Variants in SORCS1 observed in about 807,000 individuals in gnomAD.
The protein encoded by SORCS1 is VPS10 domain-containing receptor SorCS1.
In SORCS1, 60 loss-of-function variants were observed where a neutral mutation model predicts 146.1. That is an observed-to-expected ratio of 0.41 (90% CI 0.33 to 0.51). SORCS1 has a LOEUF of 0.51. Ranked by LOEUF, SORCS1 falls within the 20% of genes least tolerant of loss-of-function variation. The pLI is 0.21. For missense variants in SORCS1, 1,352 were observed against 1,487.6 expected, an observed-to-expected ratio of 0.91 and a Z score of 1.50; for synonymous variants, 637 against 584.0, an observed-to-expected ratio of 1.09 and a Z score of -1.31.
chr10:106,649,760 A>C (rs557817005), intron 18 of SORCS1, among the ~76,000 whole-genome samples: 1 of 152,090 alleles, frequency 6.6e-6, no homozygotes, highest in Non-Finnish European at 1.5e-5. Context: ...AGACCTTTTT[A>C]TCATTTTCCA....
intron 3 of SORCS1, among the ~76,000 whole-genome samples, chr10:106,819,791 T>C (rs1947923716): frequency 6.6e-6 from 1 of 152,300 alleles, no homozygotes; most frequent in South Asian, 2.1e-4. Context: ...TAAGGGTAAA[T>C]TGTACTCCCT....
intron 2 of SORCS1, among the ~76,000 whole-genome samples, chr10:106,858,639 T>C (rs904628644): frequency 2.0e-5 from 3 of 148,888 alleles, no homozygotes; most frequent in Non-Finnish European, 3.0e-5. Flanking sequence ...AAAGAAAAAT[T>C]TGGGTGCATT....
chr10:107,056,134 C>T (rs1461486048), intron 1 of SORCS1, among the ~76,000 whole-genome samples: 2 of 152,118 alleles, frequency 1.3e-5, no homozygotes, highest in African/African-American at 4.8e-5. Context: ...GGGGGGGCTT[C>T]AATCACAATA....
chr10:106,644,342 CTTCT>C (rs1184691041), intron 18 of SORCS1, among the ~76,000 whole-genome samples: 1 of 151,856 alleles, frequency 6.6e-6, no homozygotes, highest in African/African-American at 2.4e-5. Context: ...TAATTTTTCC[CTTCT>C]ATTACCATGA....
At chr10:106,947,946 T>C (rs1196330467) in intron 2 of SORCS1, among the ~76,000 whole-genome samples, 1 of 152,098 alleles carries the variant, frequency 6.6e-6, no homozygotes, top group Non-Finnish European at 1.5e-5. Context: ...TAGGAAGCAA[T>C]ACATAAGTTA....
At chr10:106,987,486 G>A (rs2139423316) in intron 1 of SORCS1, among the ~76,000 whole-genome samples, 1 of 152,284 alleles carries the variant, frequency 6.6e-6, no homozygotes, top group East Asian at 1.9e-4. Flanking sequence ...ACAATCTCTA[G>A]CTACTCTGGA....
intron 6 of SORCS1, among the ~76,000 whole-genome samples, chr10:106,718,533 G>A (rs1855546017): frequency 6.6e-6 from 1 of 151,978 alleles, no homozygotes; most frequent in South Asian, 2.1e-4. Flanking sequence ...CGCTGTTACA[G>A]CTCATAAAGG....
At chr10:106,671,999 G>A (rs1282593084) in intron 15 of SORCS1, among the ~76,000 whole-genome samples, 4 of 152,190 alleles carry the variant, frequency 2.6e-5, no homozygotes, top group Non-Finnish European at 5.9e-5. Context: ...TCTGAATAGG[G>A]TGGGTGTTTC....
intron 17 of SORCS1, among the ~76,000 whole-genome samples, chr10:106,666,157 A>C (rs1302997772): frequency 6.6e-6 from 1 of 152,192 alleles, no homozygotes; most frequent in Non-Finnish European, 1.5e-5. Context: ...TGTATTTTTA[A>C]ATGAGATTAA....
chr10:106,861,088 T>C (rs1340179275), intron 2 of SORCS1, among the ~76,000 whole-genome samples: 1 of 152,192 alleles, frequency 6.6e-6, no homozygotes, highest in African/African-American at 2.4e-5. Context: ...GCAGTGTTAT[T>C]GTCCCGACTT....
At chr10:107,166,687 G>T (rs1970060065), upstream of SORCS1, among the ~76,000 whole-genome samples, 2 of 152,290 alleles carry the variant, frequency 1.3e-5, no homozygotes, top group Admixed American at 6.5e-5. Flanking sequence ...AGCTTTGCAG[G>T]ATCATTTACT....
intron 2 of SORCS1, among the ~76,000 whole-genome samples, chr10:106,890,470 A>G (rs906804568): frequency 1.3e-5 from 2 of 152,220 alleles, no homozygotes; most frequent in Non-Finnish European, 1.5e-5. Flanking sequence ...AAGGAGAAAA[A>G]AAAACAAAGG....
rs117479866 is a variant in SORCS1 at position 107,111,495 on chromosome 10, A to G, written c.558+52474T>C. Among the ~76,000 whole-genome samples the G allele has an allele frequency of 5.3e-4, 80 of 152,320 alleles. No individual in the cohort carries two copies. In the East Asian group the frequency reaches 0.015, roughly 28 times the overall value. On this transcript the variant is annotated intron_variant, in intron 1 of 25. Transcript: ENST00000263054. ...AGAAATAATTAGTGAATTCAAAGAC[A>G]GGCCATTTGAAATTAGCCAAGTCCA...
chr10:107,056,948 C>G (rs763274822), intron 1 of SORCS1, among the ~76,000 whole-genome samples: 1 of 152,204 alleles, frequency 6.6e-6, no homozygotes, highest in Non-Finnish European at 1.5e-5. Context: ...CCCCTTTCAG[C>G]GTGCCCTGGA....
chr10:106,761,958 T>C (rs575276519), intron 4 of SORCS1, among the ~76,000 whole-genome samples: 1 of 152,358 alleles, frequency 6.6e-6, no homozygotes, highest in African/African-American at 2.4e-5. Flanking sequence ...CTGTTCTGCC[T>C]GGCGATAAAG....
rs575443335 is a variant in SORCS1 at position 106,738,824 on chromosome 10, T to A, written c.960-8710A>T. Among the ~76,000 whole-genome samples the A allele has an allele frequency of 4.6e-5, 7 of 152,182 alleles. No individual in the cohort carries two copies. In the South Asian group the frequency reaches 1.2e-3, roughly 27 times the overall value. ...CTGGGCAACAAAGCCAGACCCCATC[T>A]CTATTAAAAATTTTTAAAAAGGCCA... On this transcript the variant is annotated intron_variant, in intron 5 of 25. Transcript: ENST00000263054.
chr10:106,754,095 G>T (rs1858461823), intron 5 of SORCS1, among the ~76,000 whole-genome samples: 1 of 152,076 alleles, frequency 6.6e-6, no homozygotes, highest in Non-Finnish European at 1.5e-5. Context: ...GTCTCTCCTG[G>T]GGCATCATAT....
At chr10:106,792,770 G>A (rs1946377305) in intron 3 of SORCS1, among the ~76,000 whole-genome samples, 1 of 152,112 alleles carries the variant, frequency 6.6e-6, no homozygotes, top group Non-Finnish European at 1.5e-5. Context: ...ATTCATAAGT[G>A]ATACACTAAA....
intron 14 of SORCS1, 71 bp from the exon 15 acceptor site, chr10:106,673,056 T>C (rs554620186): frequency 1.0e-4 from 130 of 1,244,466 alleles, no homozygotes; most frequent in Non-Finnish European, 1.5e-4. Context: ...CAGAGAGCAT[T>C]TGTGGGGCGT....
Sources: gnomAD v4.1 joint callset for allele counts (sites outside exome capture counted in the v4.1 genomes callset) on GRCh38, gnomAD v4.1.1 for gene constraint, MANE v1.5 for transcripts, NCBI Gene and HGNC (gene_info 2026-07-23, HGNC 2026-07-21) for gene names.